RGP1: variants seen among roughly 807,000 people sequenced by gnomAD.
RGP1 encodes RAB6A-GEF complex partner protein 2.
RGP1 carries 28 observed loss-of-function variants against 44.5 expected under a neutral mutation model. That is an observed-to-expected ratio of 0.63 (90% CI 0.47 to 0.86). The LOEUF (loss-of-function observed/expected upper bound fraction) is 0.86, where lower values mean the gene tolerates loss of function less well. RGP1 is among the 40% of genes least tolerant of loss of function. The pLI, the probability that RGP1 is intolerant of heterozygous loss-of-function variation, is 0.00. For synonymous variants in RGP1, 212 were observed against 196.7 expected (o/e 1.08, Z -0.65); for missense variants, 417 against 490.7 (o/e 0.85, Z 1.42).
intron 3 of RGP1, 30 bp downstream of exon 3, chr9:35,750,409 G>T (rs371304594): frequency 3.1e-6 from 5 of 1,612,502 alleles, no homozygotes; most frequent in East Asian, 2.2e-5. Context: ...CTGGGAGAGG[G>T]GGGGTGCGGA....
At chr9:35,773,039 G>A in the RGP1 span, among the ~76,000 whole-genome samples, 1 of 151,884 alleles carries the variant, frequency 6.6e-6, no homozygotes, top group Non-Finnish European at 1.5e-5. Context: ...TTTTATCCTT[G>A]TGGTACCTTA....
chr9:35,770,523 GAGAGAGAGAGAGAGAGT>G, the RGP1 span, among the ~76,000 whole-genome samples: 2 of 134,750 alleles, frequency 1.5e-5, no homozygotes, highest in African/African-American at 5.7e-5. Flanking sequence ...GAGAGAGAGA[GAGAGAGAGAGAGAGAGT>G]TGAGTGGAAA....
Position 35,752,769 on chromosome 9 carries a change from T to G in RGP1, c.1071T>G (p.Pro357=), listed in dbSNP as rs773642593. ...PTTWTGPEQV[P]VDTFSWDLPI... ...CCTGGACAGGACCTGAGCAAGTACCTGTAGACACCTTCAGCTGGGACCTGC... is the reference window on the plus strand; with the variant it reads ...CCTGGACAGGACCTGAGCAAGTACCGGTAGACACCTTCAGCTGGGACCTGC... The change falls in exon 9 of 9, where the codon CCT becomes CCG. Residue 357 remains proline (P), a synonymous_variant. Transcript: ENST00000378078. 6.2e-7 allele frequency: 1 copy of G among 1,613,828 alleles called. No homozygotes were observed. Among genetic ancestry groups the G allele is most frequent in the Non-Finnish European group, 8.5e-7 (1 of 1,179,816 alleles).
downstream of RGP1, among the ~76,000 whole-genome samples, chr9:35,758,932 T>G (rs1411117749): frequency 6.6e-6 from 1 of 152,240 alleles, no homozygotes; most frequent in South Asian, 2.1e-4. Flanking sequence ...AAAGCTAGGC[T>G]TGATTGTTTA....
Position 35,753,855 on chromosome 9 carries a change from C to G in RGP1, c.*981C>G. On this transcript the variant is annotated 3_prime_UTR_variant, in exon 9 of 9. Transcript: ENST00000378078. The surrounding 1 kb of genome is among the most constrained non-coding windows in gnomAD (Gnocchi z 4.2). The stretch of plus-strand genomic sequence containing the variant: ...TGGTCTGGGGTGGAGACAGTAAGTA[C>G]GCACTATCCCCGTATTTAGTTTGTC... 6.6e-7 allele frequency: 1 copy of G among 1,516,262 alleles called. No individual in the cohort carries two copies. Among genetic ancestry groups the G allele is most frequent in the Non-Finnish European group, 9.1e-7 (1 of 1,102,988 alleles). The allele number at this position is 1,516,262 out of a possible 1,614,324, so 93.9% of individuals were successfully genotyped here. A position where few individuals can be genotyped will look rare whatever the true frequency, so the allele number is the denominator to read the frequency against.
rs377296967 is a variant in RGP1, at chr9:35,751,739, C to T, written c.747C>T (p.Thr249=). 5.7e-5 allele frequency: 92 copies of T among 1,613,728 alleles called. No individual in the cohort carries two copies. The East Asian group carries it at 8.0e-4, about 14-fold the overall frequency. ...VVGTLNLGEG[T]VACLQFSVSL... ...GGACCTTAAACTTAGGGGAAGGAACCGTAGCTTGTTTGCAGGTAAGAAGGG... is the reference window on the plus strand; with the variant it reads ...GGACCTTAAACTTAGGGGAAGGAACTGTAGCTTGTTTGCAGGTAAGAAGGG... The change falls in exon 7 of 9, where the codon ACC becomes ACT. Residue 249 remains threonine (T), a synonymous_variant. Coordinates refer to ENST00000378078, the MANE Select transcript of RGP1 (RefSeq NM_001080496.3).
At chr9:35,774,584 C>T in the RGP1 span, among the ~76,000 whole-genome samples, 1 of 152,074 alleles carries the variant, frequency 6.6e-6, no homozygotes, top group Non-Finnish European at 1.5e-5. Context: ...AATAGCCGGG[C>T]GTGTTGGCGG....
chr9:35,769,902 T>C, the RGP1 span, among the ~76,000 whole-genome samples: 1 of 152,204 alleles, frequency 6.6e-6, no homozygotes, highest in East Asian at 1.9e-4. Flanking sequence ...AAAAATTAAC[T>C]TAAAAATTTT....
the RGP1 span, among the ~76,000 whole-genome samples, chr9:35,783,617 A>C: frequency 6.6e-6 from 1 of 152,166 alleles, no homozygotes; most frequent in Admixed American, 6.5e-5. Flanking sequence ...TGCAAATGAC[A>C]GGAATTCATT....
the RGP1 span, among the ~76,000 whole-genome samples, chr9:35,773,335 G>A: frequency 6.6e-6 from 1 of 152,134 alleles, no homozygotes; most frequent in South Asian, 2.1e-4. Context: ...AGCCTGCAGT[G>A]AGCTGAGATC....
rs149985201 is a variant in RGP1, at chr9:35,755,628, C to G, written c.*2754C>G. Reference sequence around the variant, plus strand: ...CATAAGGAGTGTGCAATCTAGATCCCTTGCATGCGGAGTTCACAGTGGGGT... The same window carrying G: ...CATAAGGAGTGTGCAATCTAGATCCGTTGCATGCGGAGTTCACAGTGGGGT... On this transcript the variant is annotated 3_prime_UTR_variant, in exon 9 of 9. Transcript: ENST00000378078. 1 of 152,196 alleles carries G rather than the reference C, an allele frequency of 6.6e-6. No homozygotes were observed. The highest frequency in any genetic ancestry group is 2.4e-5 in the African/African-American group (1 of 41,440). 9.4% of individuals were successfully genotyped at this position (152,196 alleles called of 1,614,324 possible).
the RGP1 span, among the ~76,000 whole-genome samples, chr9:35,786,960 C>T: frequency 4.8e-4 from 72 of 151,286 alleles, no homozygotes; most frequent in South Asian, 8.2e-3. Flanking sequence ...ATTAGCCGGG[C>T]GTGGTGGCGG....
At chr9:35,786,703 ATT>A in the RGP1 span, 8 of 152,158 alleles carry the variant, frequency 5.3e-5, no homozygotes, top group Admixed American at 2.0e-4. Flanking sequence ...TTTGGACTGT[ATT>A]TTCACAAAGC....
chr9:35,761,551 G>A (rs987393204), downstream of RGP1, among the ~76,000 whole-genome samples: 4 of 152,048 alleles, frequency 2.6e-5, no homozygotes, highest in East Asian at 1.9e-4. Context: ...GTGCACTCCC[G>A]TAGTCTCGGC....
Position 35,753,922 on chromosome 9 carries a change from C to A in RGP1, c.*1048C>A. 6.4e-7 allele frequency: 1 copy of A among 1,561,030 alleles called. No individual in the cohort carries two copies. Among genetic ancestry groups the A allele is most frequent in the Non-Finnish European group, 8.7e-7 (1 of 1,149,134 alleles). On this transcript the variant is annotated 3_prime_UTR_variant, in exon 9 of 9. Coordinates refer to ENST00000378078, the MANE Select transcript of RGP1 (RefSeq NM_001080496.3). This position sits in a 1 kb window ranked among gnomAD's most constrained non-coding sequence, Gnocchi z 4.2. The stretch of plus-strand genomic sequence containing the variant: ...TGGAGGAAGCCTGGGTATTTTGACA[C>A]GGGATCATCTGTAAGGCCCCATCCT...
the RGP1 span, among the ~76,000 whole-genome samples, chr9:35,785,562 T>G: frequency 6.6e-6 from 1 of 151,990 alleles, no homozygotes; most frequent in East Asian, 1.9e-4. Flanking sequence ...ATAATTAGGT[T>G]TTTGTTTCAA....
At chr9:35,786,884 AG>A in the RGP1 span, 1 of 152,032 alleles carries the variant, frequency 6.6e-6, no homozygotes, top group Non-Finnish European at 1.5e-5. Flanking sequence ...TCACGAGGTC[AG>A]GAGATCAAGA....
chr9:35,752,050 A>C lies in RGP1; in HGVS notation c.857A>C (p.His286Pro). The C allele has an allele frequency of 6.2e-7, 1 of 1,611,448 alleles. No individual in the cohort carries two copies. The highest frequency in any genetic ancestry group is 1.1e-5 in the South Asian group (1 of 90,718). ...GGVPSVSHVT[H>P]ARHQESCLHT... ...GTCCCCTCTGTGTCACATGTGACTC[A>C]CGCCCGGCACCAGGAATCCTGCCTA... The change falls in exon 8 of 9, where the codon CAC becomes CCC. Residue 286 changes from histidine to proline, a missense_variant. By Grantham distance (77) the His-to-Pro change is moderately conservative. Transcript: ENST00000378078.
the RGP1 span, among the ~76,000 whole-genome samples, chr9:35,788,149 A>C: frequency 2.0e-5 from 3 of 152,224 alleles, no homozygotes; most frequent in African/African-American, 7.2e-5. Flanking sequence ...GTCTTGAGGC[A>C]CCTTTGGCCT....
Sources: allele counts gnomAD v4.1 joint callset (sites outside exome capture counted in the v4.1 genomes callset), GRCh38; gene constraint gnomAD v4.1.1; non-coding constraint Gnocchi (gnomAD v3.1); transcripts MANE v1.5; gene names NCBI Gene and HGNC (gene_info 2026-07-23, HGNC 2026-07-21).